NRG1: variants seen among roughly 807,000 people sequenced by gnomAD.
NRG1 encodes the protein pro-neuregulin-1, membrane-bound isoform.
A neutral mutation model predicts 63.8 loss-of-function variants in NRG1; 18 were observed. That is an observed-to-expected ratio of 0.28 (90% CI 0.19 to 0.42). The LOEUF is 0.42. NRG1 is among the 10% of genes least tolerant of loss of function. The pLI, the probability that NRG1 is intolerant of heterozygous loss-of-function variation, is 1.00. For synonymous variants in NRG1, 302 were observed against 301.3 expected (o/e 1.00, Z -0.02); for missense variants, 762 against 814.7 (o/e 0.94, Z 0.79).
At chr8:32,753,813 G>C (rs535928280) in intron 7 of NRG1, among the ~76,000 whole-genome samples, 2 of 152,076 alleles carry the variant, frequency 1.3e-5, no homozygotes, top group Non-Finnish European at 2.9e-5. Context: ...ATATATTTAA[G>C]TTAGAAATGA....
intron 1 of NRG1, among the ~76,000 whole-genome samples, chr8:31,927,761 A>T (rs1333098898): frequency 6.7e-6 from 1 of 149,702 alleles, no homozygotes; most frequent in Non-Finnish European, 1.5e-5. Context: ...TTTTTTTTTT[A>T]AAGATCTGAG....
chr8:32,668,295 T>C (rs1804752803), intron 5 of NRG1, among the ~76,000 whole-genome samples: 1 of 152,166 alleles, frequency 6.6e-6, no homozygotes, highest in Non-Finnish European at 1.5e-5. Flanking sequence ...AGCAAAGTCC[T>C]AGCCAGGATT....
intron 1 of NRG1, among the ~76,000 whole-genome samples, chr8:32,535,532 C>T (rs1047272818): frequency 2.6e-5 from 4 of 152,204 alleles, no homozygotes; most frequent in Admixed American, 2.0e-4. Flanking sequence ...AGCCACAACT[C>T]TTCAGGTCCT....
At chr8:32,702,534 T>G (rs545968725) in intron 5 of NRG1, among the ~76,000 whole-genome samples, 4 of 152,340 alleles carry the variant, frequency 2.6e-5, no homozygotes, top group Admixed American at 2.0e-4. Flanking sequence ...TGGCCCAGGC[T>G]GGAGTGCAGT....
At chr8:32,619,562 G>A (rs2129542248) in intron 5 of NRG1, among the ~76,000 whole-genome samples, 1 of 152,282 alleles carries the variant, frequency 6.6e-6, no homozygotes, top group East Asian at 1.9e-4. Flanking sequence ...GCCTGGCCCA[G>A]GCTGGTAGCA....
At chr8:32,482,560 T>C (rs909965849) in intron 1 of NRG1, among the ~76,000 whole-genome samples, 2 of 152,164 alleles carry the variant, frequency 1.3e-5, no homozygotes, top group African/African-American at 2.4e-5. Context: ...CCTGCTTCCC[T>C]GAAGCTGTCC....
chr8:31,877,768 C>A (rs539217893), intron 1 of NRG1, among the ~76,000 whole-genome samples: 1 of 152,150 alleles, frequency 6.6e-6, no homozygotes, highest in Admixed American at 6.5e-5. Flanking sequence ...ATTTTATCAT[C>A]TCAATGACTA....
chr8:32,203,595 C>A (rs1843721444), intron 1 of NRG1, among the ~76,000 whole-genome samples: 1 of 152,020 alleles, frequency 6.6e-6, no homozygotes, highest in East Asian at 1.9e-4. Flanking sequence ...CTCCTGACCT[C>A]AAGTGATCCA....
chr8:31,906,319 T>G (rs767643383), intron 1 of NRG1, among the ~76,000 whole-genome samples: 1 of 152,172 alleles, frequency 6.6e-6, no homozygotes, highest in Admixed American at 6.5e-5. Context: ...CAGAGAAAGA[T>G]CTAGGTGCAT....
chr8:32,561,829 ATATT>A (rs1410759587), intron 1 of NRG1, among the ~76,000 whole-genome samples: 2 of 112,508 alleles, frequency 1.8e-5, no homozygotes, highest in African/African-American at 7.1e-5. Context: ...GGATTTGTTT[ATATT>A]TATTTATTTA....
intron 1 of NRG1, among the ~76,000 whole-genome samples, chr8:31,890,831 C>T (rs1831090403): frequency 6.6e-6 from 1 of 152,096 alleles, no homozygotes; most frequent in African/African-American, 2.4e-5. Context: ...AAACCTAATA[C>T]CAAATGGAAT....
intron 1 of NRG1, among the ~76,000 whole-genome samples, chr8:32,049,475 G>T (rs541910739): frequency 6.6e-6 from 1 of 152,050 alleles, no homozygotes; most frequent in Non-Finnish European, 1.5e-5. Flanking sequence ...TTTTGATAAG[G>T]TGTCACAGAT....
At chr8:32,443,896 A>G (rs1819888641) in intron 1 of NRG1, among the ~76,000 whole-genome samples, 1 of 152,072 alleles carries the variant, frequency 6.6e-6, no homozygotes, top group Non-Finnish European at 1.5e-5. Context: ...TATGAACTGT[A>G]TTGTGTGTTC....
chr8:32,122,263 C>T (rs901651871), intron 1 of NRG1, among the ~76,000 whole-genome samples: 3 of 151,756 alleles, frequency 2.0e-5, no homozygotes, highest in African/African-American at 7.3e-5. Context: ...CTCTCTTGCT[C>T]TAAGCTACTG....
At chr8:32,326,620 C>T (rs750131255) in intron 1 of NRG1, among the ~76,000 whole-genome samples, 6 of 152,014 alleles carry the variant, frequency 3.9e-5, no homozygotes, top group East Asian at 3.9e-4. Context: ...TGAGCCACCA[C>T]GCGCAGCCAG....
intron 1 of NRG1, among the ~76,000 whole-genome samples, chr8:31,937,179 A>G (rs1801037529): frequency 6.6e-6 from 1 of 152,330 alleles, no homozygotes. Flanking sequence ...CAGTTCCAAC[A>G]CATCTTGTCA....
At chr8:32,482,842 C>G (rs932168306) in intron 1 of NRG1, among the ~76,000 whole-genome samples, 23 of 152,174 alleles carry the variant, frequency 1.5e-4, no homozygotes, top group Non-Finnish European at 3.2e-4. Context: ...ATGGGCTGAA[C>G]TGAAGGTCCA....
intron 1 of NRG1, among the ~76,000 whole-genome samples, chr8:32,324,452 T>C (rs1270798284): frequency 6.6e-6 from 1 of 152,140 alleles, no homozygotes; most frequent in Non-Finnish European, 1.5e-5. Context: ...GCTTTCCTGC[T>C]TTGGAAACCT....
At chr8:32,590,816 G>T (rs1563721237) in intron 1 of NRG1, among the ~76,000 whole-genome samples, 2 of 151,844 alleles carry the variant, frequency 1.3e-5, no homozygotes, top group African/African-American at 4.8e-5. Context: ...ATGGATAGAT[G>T]AAAAAAAGTC....
Sources: allele counts gnomAD v4.1 joint callset (sites outside exome capture counted in the v4.1 genomes callset), GRCh38; gene constraint gnomAD v4.1.1; transcripts MANE v1.5; gene names NCBI Gene and HGNC (gene_info 2026-07-23, HGNC 2026-07-21).